The following CDH23 variants were observed in gnomAD, a reference collection of about 807,000 sequenced individuals.
CDH23 encodes cadherin related 23.
CDH23 carries 189 observed loss-of-function variants against 317.1 expected under a neutral mutation model. The ratio of observed to expected loss-of-function variants is 0.60; its 90% confidence interval spans 0.53 to 0.67. The LOEUF (loss-of-function observed/expected upper bound fraction) is 0.67. Ranked by LOEUF, CDH23 falls within the 30% of genes least tolerant of loss-of-function variation. CDH23 has a pLI of 0.00. For synonymous variants in CDH23, 1,839 were observed against 1,876.8 expected, an observed-to-expected ratio of 0.98 and a Z score of 0.52; for missense variants, 4,401 against 4,592.4, an observed-to-expected ratio of 0.96 and a Z score of 1.20.
intron 1 of CDH23, among the ~76,000 whole-genome samples, chr10:71,420,549 T>TGGTAATGGTG (rs1285573654): frequency 1.2e-4 from 1 of 8,434 alleles, no homozygotes; most frequent in African/African-American, 5.0e-4. Flanking sequence ...ATGATGGTGA[T>TGGTAATGGTG]ATGATGATGG....
intron 22 of CDH23, among the ~76,000 whole-genome samples, chr10:71,696,897 C>T (rs1014292561): frequency 1.6e-4 from 24 of 152,234 alleles, no homozygotes; most frequent in Non-Finnish European, 1.2e-4. Context: ...TCTCTGCTGC[C>T]GCCTTGTGGG....
chr10:71,710,186 G>A (rs74864017), intron 27 of CDH23, among the ~76,000 whole-genome samples: 4,870 of 152,278 alleles, frequency 0.032, 147 homozygotes, highest in Non-Finnish European at 0.036. Context: ...GTGGCAGGTC[G>A]TTGCCCCAGC....
chr10:71,799,388 CA>C, intron 51 of CDH23, 103 bp from the exon 52 acceptor site: 1 of 1,603,394 alleles, frequency 6.2e-7, no homozygotes, highest in Non-Finnish European at 8.5e-7. Flanking sequence ...TGGGAGTGCC[CA>C]GCCCACGAGC....
rs867319777 is a variant in CDH23, at chr10:71,511,162, G to A, written c.379G>A (p.Asp127Asn). 3 of 1,613,650 alleles carry A rather than the reference G, an allele frequency of 1.9e-6. No individual in the cohort carries two copies. Among genetic ancestry groups the A allele is most frequent in the Non-Finnish European group, 2.5e-6 (3 of 1,179,658 alleles). Residue 127 changes from aspartate to asparagine, a missense_variant, in exon 6 of 70, where the codon GAC becomes AAC. Asp to Asn is a conservative substitution (Grantham distance 23, BLOSUM62 1). Coordinates refer to ENST00000224721, the MANE Select transcript of CDH23 (RefSeq NM_022124.6). ...KVNIQVGDVNDNAPTFHNQPY... is the reference protein window; with the variant it reads ...KVNIQVGDVNNNAPTFHNQPY... ...GAACATCCAGGTTGGGGATGTGAAT[G>A]ACAACGCGCCCACATTTCACAATCA...
chr10:71,625,086 G>C (rs1212701887), intron 11 of CDH23, among the ~76,000 whole-genome samples: 1 of 152,076 alleles, frequency 6.6e-6, no homozygotes, highest in African/African-American at 2.4e-5. Context: ...CCTTAAAGAA[G>C]TGAGAGCCCC....
At chr10:71,551,389 A>G (rs1856588109) in intron 6 of CDH23, among the ~76,000 whole-genome samples, 2 of 151,902 alleles carry the variant, frequency 1.3e-5, no homozygotes, top group South Asian at 4.2e-4. Context: ...CGGGGCCAGG[A>G]GGAGAAGGAG....
chr10:71,592,896 T>G (rs1355981362), intron 9 of CDH23, among the ~76,000 whole-genome samples: 1 of 152,204 alleles, frequency 6.6e-6, no homozygotes, highest in African/African-American at 2.4e-5. Context: ...GCGCCGCTCT[T>G]GAAATGCCCT....
chr10:71,531,188 G>T (rs746786892), intron 6 of CDH23, among the ~76,000 whole-genome samples: 1 of 152,204 alleles, frequency 6.6e-6, no homozygotes, highest in Non-Finnish European at 1.5e-5. Context: ...CAGCAGCAGC[G>T]TGTGAACCTC....
intron 6 of CDH23, among the ~76,000 whole-genome samples, chr10:71,540,804 G>C (rs569540576): frequency 2.0e-4 from 31 of 152,008 alleles, no homozygotes; most frequent in Non-Finnish European, 3.2e-4. Flanking sequence ...CTGATGGGAG[G>C]GCTTATCCAG....
At chr10:71,484,780 A>G (rs1852253991) in intron 3 of CDH23, among the ~76,000 whole-genome samples, 1 of 152,160 alleles carries the variant, frequency 6.6e-6, no homozygotes, top group South Asian at 2.1e-4. Context: ...CATTCTGTTG[A>G]GTTAAGGATG....
At chr10:71,732,762 C>T in intron 32 of CDH23, 1 of 1,062,104 alleles carries the variant, frequency 9.4e-7, no homozygotes, top group Non-Finnish European at 1.2e-6. Flanking sequence ...TGTTTTCACA[C>T]CCATCACAGA....
Position 71,654,895 on chromosome 10 carries a change from C to A in CDH23, c.1449+8278C>A, listed in dbSNP as rs148170813. ...CACACTGCATCATTTCTGCTGAATT[C>A]TGTTGGTTTTAAGTCACCAGGGCAA... On this transcript the variant is annotated intron_variant, in intron 14 of 69. Transcript: ENST00000224721. Among the ~76,000 whole-genome samples the A allele has an allele frequency of 2.9e-3, 437 of 152,298 alleles. 1 individual carries two copies. Among genetic ancestry groups the A allele is most frequent in the Non-Finnish European group, 4.7e-3 (317 of 68,028 alleles).
intron 3 of CDH23, among the ~76,000 whole-genome samples, chr10:71,501,903 G>T (rs10823770): frequency 2.0e-5 from 3 of 151,936 alleles, no homozygotes; most frequent in Non-Finnish European, 4.4e-5. Flanking sequence ...GGCCATGGTG[G>T]GACAGTTGGA....
At chr10:71,545,968 G>C (rs1856256690) in intron 6 of CDH23, among the ~76,000 whole-genome samples, 1 of 152,158 alleles carries the variant, frequency 6.6e-6, no homozygotes, top group African/African-American at 2.4e-5. Flanking sequence ...GGAAGTACCA[G>C]GGCCAAACAG....
intron 3 of CDH23, among the ~76,000 whole-genome samples, chr10:71,503,727 G>A (rs1488075670): frequency 2.6e-5 from 4 of 152,194 alleles, no homozygotes; most frequent in Admixed American, 6.5e-5. Context: ...GTAACCAGGC[G>A]TCTCTTTAGC....
intron 53 of CDH23, among the ~76,000 whole-genome samples, chr10:71,801,726 G>A (rs962990667): frequency 2.6e-4 from 39 of 152,192 alleles, no homozygotes; most frequent in African/African-American, 8.0e-4. Flanking sequence ...TCGGGGGTGT[G>A]AACAGCTGAA....
At chr10:71,724,319 G>T (rs10999975) in intron 29 of CDH23, among the ~76,000 whole-genome samples, 28 of 152,296 alleles carry the variant, frequency 1.8e-4, no homozygotes, top group Non-Finnish European at 3.4e-4. Flanking sequence ...TTGAGACGGA[G>T]TCTCCCTCTG....
intron 22 of CDH23, 137 bp downstream of exon 22, chr10:71,695,662 G>A: frequency 4.7e-6 from 3 of 635,032 alleles, no homozygotes; most frequent in Non-Finnish European, 8.4e-6. Context: ...TTGCAATAGA[G>A]TTCTAGCGGT....
At position 71,427,228 on chromosome 10, in the gene CDH23, AGAAAGAAAGAAAGAAAGG is replaced by A. The variant is rs1490641673; in HGVS notation, c.-5-12584_-5-12567del. ...AAGAAAGAAAGAAAGAAAGAAAGAA[AGAAAGAAAGAAAGAAAGG>A]GAAAGAAAGAAAGAGAAAGAGAGAA... is the stretch of plus-strand genomic sequence containing the variant. On this transcript the variant is annotated intron_variant, in intron 1 of 69. Coordinates refer to ENST00000224721, the MANE Select transcript of CDH23 (RefSeq NM_022124.6). Among the ~76,000 whole-genome samples the A allele has an allele frequency of 4.1e-3, 334 of 81,212 alleles. 10 individuals carry two copies. The highest frequency in any genetic ancestry group is 0.04 in the Middle Eastern group (5 of 124). The allele number at this position is 81,212 out of a possible 152,430, so 53.3% of individuals were successfully genotyped here. A position where few individuals can be genotyped will look rare whatever the true frequency, so the allele number is the denominator to read the frequency against.
Sources: gnomAD v4.1 joint callset for allele counts (sites outside exome capture counted in the v4.1 genomes callset) on GRCh38, gnomAD v4.1.1 for gene constraint, MANE v1.5 for transcripts, NCBI Gene and HGNC (gene_info 2026-07-23, HGNC 2026-07-21) for gene names.